CEP83: variants seen among roughly 807,000 people sequenced by gnomAD.
CEP83 encodes the protein centrosomal protein of 83 kDa.
Under a neutral mutation model 101.9 loss-of-function variants are expected in CEP83, and 70 were observed. The observed-to-expected ratio is 0.69, with a 90% CI of 0.57 to 0.84. The LOEUF (loss-of-function observed/expected upper bound fraction) is 0.84, where lower values mean the gene tolerates loss of function less well. Among genes scored for constraint, CEP83 ranks in the 40% least tolerant of loss-of-function variants. The pLI is 0.00. For missense variants in CEP83, 715 were observed against 787.2 expected (o/e 0.91, Z 1.10); for synonymous variants, 264 against 267.9 (o/e 0.99, Z 0.14).
chr12:94,301,593 C>T (rs1025590296), downstream of CEP83, among the ~76,000 whole-genome samples: 3 of 152,088 alleles, frequency 2.0e-5, no homozygotes, highest in African/African-American at 7.2e-5. Flanking sequence ...GAGCAAACTT[C>T]GAAAGAGATG....
intron 11 of CEP83, among the ~76,000 whole-genome samples, chr12:94,341,227 A>C (rs2059673120): frequency 6.6e-6 from 1 of 152,194 alleles, no homozygotes; most frequent in Non-Finnish European, 1.5e-5. Context: ...CTTTCATCAA[A>C]AGAAAAGACT....
chr12:94,343,606 C>T (rs992082088), intron 11 of CEP83, among the ~76,000 whole-genome samples: 24 of 149,674 alleles, frequency 1.6e-4, no homozygotes, highest in African/African-American at 5.4e-4. Flanking sequence ...TCTCCTGCCT[C>T]AGCCTCCCGA....
chr12:94,348,639 GTCACTGTTTGGTGGTC>G (rs2060055286), intron 11 of CEP83, among the ~76,000 whole-genome samples: 1 of 152,098 alleles, frequency 6.6e-6, no homozygotes, highest in Non-Finnish European at 1.5e-5. Flanking sequence ...AAGGCTCATG[GTCACTGTTTGGTGGTC>G]TGCTGCCGGT....
At chr12:94,431,450 T>C (rs1411089307) in intron 2 of CEP83, among the ~76,000 whole-genome samples, 1 of 152,000 alleles carries the variant, frequency 6.6e-6, no homozygotes, top group Non-Finnish European at 1.5e-5. Context: ...AGTGGGACTA[T>C]ATTAAACTAA....
chr12:94,272,122 A>G, the CEP83 span: 1 of 152,086 alleles, frequency 6.6e-6, no homozygotes, highest in African/African-American at 2.4e-5. Flanking sequence ...ACATTTTCCA[A>G]TAGTCTTTTC....
chr12:94,266,156 A>G, the CEP83 span, among the ~76,000 whole-genome samples: 2 of 152,188 alleles, frequency 1.3e-5, no homozygotes, highest in African/African-American at 4.8e-5. Flanking sequence ...CTGCAGTGTC[A>G]TCTGGGAAGA....
intron 1 of CEP83, among the ~76,000 whole-genome samples, chr12:94,444,484 T>C (rs2066651502): frequency 6.6e-6 from 1 of 152,236 alleles, no homozygotes; most frequent in African/African-American, 2.4e-5. Flanking sequence ...AAAATGAATA[T>C]ATCTTTTCAT....
chr12:94,350,685 A>T (rs1369103980), intron 11 of CEP83, among the ~76,000 whole-genome samples: 1 of 152,202 alleles, frequency 6.6e-6, no homozygotes, highest in Non-Finnish European at 1.5e-5. Context: ...ACTTATCAAC[A>T]GAGTAAAACC....
At chr12:94,371,117 A>G (rs533584161) in intron 8 of CEP83, among the ~76,000 whole-genome samples, 1 of 152,372 alleles carries the variant, frequency 6.6e-6, no homozygotes, top group Admixed American at 6.5e-5. Context: ...AAACAAGCTA[A>G]GCATTACATG....
chr12:94,396,024 G>A (rs752265917), intron 6 of CEP83, among the ~76,000 whole-genome samples: 39 of 151,950 alleles, frequency 2.6e-4, no homozygotes, highest in South Asian at 4.2e-4. Flanking sequence ...AGTGCTCCTC[G>A]TCCCTCCCTC....
chr12:94,393,669 T>G (rs575003094), intron 6 of CEP83, among the ~76,000 whole-genome samples: 5 of 152,164 alleles, frequency 3.3e-5, no homozygotes, highest in African/African-American at 4.8e-5. Flanking sequence ...AATTAGGAAA[T>G]GAGGAAGTCA....
At chr12:94,365,412 G>A (rs1041089388) in intron 11 of CEP83, among the ~76,000 whole-genome samples, 1 of 152,186 alleles carries the variant, frequency 6.6e-6, no homozygotes, top group African/African-American at 2.4e-5. Flanking sequence ...AATTCACCCT[G>A]AAGATACACC....
At chr12:94,316,747 G>T (rs1970762256) in intron 14 of CEP83, among the ~76,000 whole-genome samples, 1 of 152,226 alleles carries the variant, frequency 6.6e-6, no homozygotes, top group Admixed American at 6.5e-5. Flanking sequence ...CCTGGCAAAG[G>T]ACATTATCTC....
At chr12:94,328,942 C>T (rs1034470429) in intron 14 of CEP83, among the ~76,000 whole-genome samples, 1 of 152,090 alleles carries the variant, frequency 6.6e-6, no homozygotes, top group Non-Finnish European at 1.5e-5. Context: ...CCTTCCAGTC[C>T]TAAAATTATA....
At chr12:94,421,412 T>C (rs1484172656) in intron 2 of CEP83, among the ~76,000 whole-genome samples, 3 of 152,134 alleles carry the variant, frequency 2.0e-5, no homozygotes, top group Non-Finnish European at 4.4e-5. Context: ...AATTCAAAAA[T>C]TGGGCTCAGC....
chr12:94,307,678 C>A (rs1565881612), downstream of CEP83: 1 of 98,784 alleles, frequency 1.0e-5, no homozygotes, highest in Non-Finnish European at 2.2e-5. Context: ...TAACTGTGGA[C>A]TGTCTTTTTT....
At chr12:94,388,575 A>G (rs1433342457) in intron 6 of CEP83, among the ~76,000 whole-genome samples, 1 of 152,182 alleles carries the variant, frequency 6.6e-6, no homozygotes, top group Non-Finnish European at 1.5e-5. Flanking sequence ...TACACATGTA[A>G]CCCCTGAATC....
chr12:94,403,078 A>C, intron 5 of CEP83, 92 bp downstream of exon 5: 65 of 632,888 alleles, frequency 1.0e-4, no homozygotes, highest in Non-Finnish European at 1.2e-4. Flanking sequence ...AGGGGGAACT[A>C]CTGCAGGGTT....
rs116149549 is a variant in CEP83, at chr12:94,389,120, T to C, written c.550-10078A>G. On this transcript the variant is annotated intron_variant, in intron 6 of 16. Coordinates refer to ENST00000397809, the MANE Select transcript of CEP83 (RefSeq NM_016122.3). The stretch of plus-strand genomic sequence containing the variant: ...CCAGCCTGGGGAACAGAGTAAGACT[T>C]TGTCTTAAAAAAGAAAGAAAGAAAA... Among the ~76,000 whole-genome samples, 382 of 152,244 alleles carry C rather than the reference T, an allele frequency of 2.5e-3. 1 individual carries two copies. The highest frequency in any genetic ancestry group is 8.9e-3 in the African/African-American group (369 of 41,546).
Sources: allele counts gnomAD v4.1 joint callset (sites outside exome capture counted in the v4.1 genomes callset), GRCh38; gene constraint gnomAD v4.1.1; transcripts MANE v1.5; gene names NCBI Gene and HGNC (gene_info 2026-07-23, HGNC 2026-07-21).